The following CLPTM1L variants were observed in gnomAD, a reference collection of about 807,000 sequenced individuals.
CLPTM1L encodes lipid scramblase CLPTM1L.
A neutral mutation model predicts 70.9 loss-of-function variants in CLPTM1L; 38 were observed. That is an observed-to-expected ratio of 0.54 (90% confidence interval 0.41 to 0.70). CLPTM1L has a LOEUF of 0.70. Ranked by LOEUF, CLPTM1L falls within the 30% of genes least tolerant of loss-of-function variation. CLPTM1L has a pLI of 0.00. For synonymous variants in CLPTM1L, 339 were observed against 299.9 expected, an observed-to-expected ratio of 1.13 and a Z score of -1.35; for missense variants, 652 against 705.9, an observed-to-expected ratio of 0.92 and a Z score of 0.87.
At chr5:1,324,843 A>G (rs1752417801) in intron 10 of CLPTM1L, 30 bp from the exon 11 acceptor site, 1 of 1,602,960 alleles carries the variant, frequency 6.2e-7, no homozygotes, top group African/African-American at 1.3e-5. Context: ...AGTGATATTA[A>G]TAGACTCAGG....
chr5:1,320,889 A>C (rs1752112240), intron 15 of CLPTM1L, among the ~76,000 whole-genome samples, 158 bp from the exon 16 acceptor site: 2 of 152,224 alleles, frequency 1.3e-5, no homozygotes, highest in African/African-American at 4.8e-5. Flanking sequence ...CGGCAAGTGG[A>C]GATACGGAGC....
intron 13 of CLPTM1L, 94 bp from the exon 14 acceptor site, chr5:1,321,913 GC>G: frequency 8.7e-7 from 1 of 1,155,858 alleles, no homozygotes; most frequent in Non-Finnish European, 1.3e-6. Flanking sequence ...GGGCCGAGCT[GC>G]CACGTCTATG....
chr5:1,324,961 G>C (rs1053414933), intron 10 of CLPTM1L, 148 bp from the exon 11 acceptor site: 1 of 671,558 alleles, frequency 1.5e-6, no homozygotes, highest in African/African-American at 1.8e-5. Flanking sequence ...GGCGAGGAGA[G>C]GACCCAGAGG....
chr5:1,331,924 G>T (rs777922400), intron 7 of CLPTM1L, 41 bp from the exon 8 acceptor site: 19 of 1,526,076 alleles, frequency 1.2e-5, no homozygotes, highest in Non-Finnish European at 1.6e-5. Flanking sequence ...ATCTCCTGCT[G>T]TTTCCATCTC....
chr5:1,331,777 G>A, intron 8 of CLPTM1L, 22 bp downstream of exon 8: 1 of 1,608,770 alleles, frequency 6.2e-7, no homozygotes, highest in Non-Finnish European at 8.5e-7. Flanking sequence ...TATCTGAGCA[G>A]GGCCACGCTC....
Position 1,334,905 on chromosome 5 carries a change from T to C in CLPTM1L, c.796+152A>G, listed in dbSNP as rs1270432447. 1.5e-5 allele frequency: 9 copies of C among 601,358 alleles called. No individual in the cohort carries two copies. In the Middle Eastern group the frequency reaches 1.8e-3, roughly 119 times the overall value. The allele number at this position is 601,358 out of a possible 1,614,324, so 37.3% of individuals were successfully genotyped here. A position where few individuals can be genotyped will look rare whatever the true frequency, so the allele number is the denominator to read the frequency against. On this transcript the variant is annotated intron_variant, in intron 6 of 16. Coordinates refer to ENST00000320895, the MANE Select transcript of CLPTM1L (RefSeq NM_030782.5). ...ACCAGGTCATCTCCAAGGAGAGAAG[T>C]GAGGCAGGCGCTGCTAGCCTCTGAT...
chr5:1,336,774 G>A (rs1014864378), intron 5 of CLPTM1L, among the ~76,000 whole-genome samples: 3 of 152,202 alleles, frequency 2.0e-5, no homozygotes, highest in Non-Finnish European at 4.4e-5. Flanking sequence ...AGGTTGTATA[G>A]GAGCAATCAG....
chr5:1,343,563 G>C (rs1350611760), intron 2 of CLPTM1L, among the ~76,000 whole-genome samples: 2 of 152,220 alleles, frequency 1.3e-5, no homozygotes, highest in Non-Finnish European at 2.9e-5. Flanking sequence ...AGCTACAACC[G>C]AGCGGGCAGC....
rs1259896825 is a variant in CLPTM1L at position 1,334,326 on chromosome 5, T to G, written c.854A>C (p.Tyr285Ser). ...VKGIFVDTNL[Y>S]FLALTFFVAA... The stretch of plus-strand genomic sequence containing the variant: ...GACAAAGAAGGTCAGCGCCAGGAAG[T>G]ATAAGTTGGTATCTACAAAAATTCC... The change falls in exon 7 of 17, where the codon TAC becomes TCC. Residue 285 changes from tyrosine (Y) to serine (S), a missense_variant. By Grantham distance (144) the Tyr-to-Ser change is moderately radical (BLOSUM62 -2). Transcript: ENST00000320895. The G allele has an allele frequency of 2.5e-6, 4 of 1,613,724 alleles. No homozygotes were observed. The highest frequency in any genetic ancestry group is 3.4e-6 in the Non-Finnish European group (4 of 1,179,770).
intron 10 of CLPTM1L, 60 bp from the exon 11 acceptor site, chr5:1,324,873 AGCTGTGACTAAGGG>A: frequency 6.7e-7 from 1 of 1,503,566 alleles, no homozygotes; most frequent in Non-Finnish European, 9.3e-7. Context: ...AGCACAGCTG[AGCTGTGACTAAGGG>A]GCGTCACATA....
chr5:1,344,465 G>T lies in CLPTM1L; in HGVS notation c.163-14C>A. ...GTACACGCTCAGCTGGAAAGGAGGG[G>T]GCGTCGAGAGTCAGCTCGGCCAGGC... On this transcript the variant is annotated splice_polypyrimidine_tract_variant and intron_variant, in intron 1 of 16. Transcript: ENST00000320895. 9 of 1,607,678 alleles carry T rather than the reference G, an allele frequency of 5.6e-6. No homozygotes were observed. Among genetic ancestry groups the T allele is most frequent in the South Asian group, 1.1e-5 (1 of 90,938 alleles).
Position 1,331,789 on chromosome 5 carries a change from G to C in CLPTM1L, c.976+10C>G. On this transcript the variant is annotated intron_variant, in intron 8 of 16. Transcript: ENST00000320895. ...GAGTATCTGAGCAGGGCCACGCTCG[G>C]GGGGCCTACCTGCCTTGGTGGACAT... 8.1e-6 allele frequency: 13 copies of C among 1,612,702 alleles called. No individual in the cohort carries two copies. The highest frequency in any genetic ancestry group is 1.1e-5 in the Non-Finnish European group (13 of 1,179,710).
At chr5:1,325,686 G>T in intron 10 of CLPTM1L, 65 bp downstream of exon 10, 2 of 1,400,348 alleles carry the variant, frequency 1.4e-6, no homozygotes, top group African/African-American at 1.4e-5. Flanking sequence ...CTTACTCTTT[G>T]CACAGGGGGC....
rs71309294 is a variant in CLPTM1L, at chr5:1,342,039, T to TGCGCGCGC, written c.264-180_264-179insGCGCGCGC. 1.5e-4 allele frequency among the ~76,000 whole-genome samples: 23 copies of TGCGCGCGC among 149,086 alleles called. No homozygotes were observed. Among genetic ancestry groups the TGCGCGCGC allele is most frequent in the South Asian group, 8.4e-4 (4 of 4,752 alleles). On this transcript the variant is annotated intron_variant, in intron 2 of 16. Transcript: ENST00000320895. The surrounding 1 kb of genome is among the most constrained non-coding windows in gnomAD (Gnocchi z 4.3). ...GTGTGTGTGTGTGTGTGTGTGTGTG[T>TGCGCGCGC]GCACGCGCACGCGTGCGCGTCCTGA...
chr5:1,331,510 A>T (rs1300153602), intron 8 of CLPTM1L: 4 of 517,278 alleles, frequency 7.7e-6, no homozygotes, highest in Non-Finnish European at 1.4e-5. Flanking sequence ...CATGCATCTC[A>T]CTCTCCACAG....
Position 1,323,875 on chromosome 5 carries a change from G to T in CLPTM1L, c.1198-6C>A, listed in dbSNP as rs747095800. The T allele has an allele frequency of 6.2e-7, 1 of 1,611,928 alleles. No homozygotes were observed. ...TATGACAAGTACTTCATGGCCTGCA[G>T]GGAACAAAGATGGCTTCCAGTTAGA... On this transcript the variant is annotated splice_polypyrimidine_tract_variant and splice_region_variant and intron_variant, in intron 11 of 16. Transcript: ENST00000320895.
At chr5:1,343,562 C>T (rs1473359575) in intron 2 of CLPTM1L, among the ~76,000 whole-genome samples, 2 of 152,228 alleles carry the variant, frequency 1.3e-5, no homozygotes, top group African/African-American at 2.4e-5. Flanking sequence ...CAGCTACAAC[C>T]GAGCGGGCAG....
In CLPTM1L at chr5:1,334,386, G is replaced by C. The variant is rs1389863577; in HGVS notation, c.797-3C>G. On this transcript the variant is annotated splice_polypyrimidine_tract_variant and splice_region_variant and intron_variant, in intron 6 of 16. Coordinates refer to ENST00000320895, the MANE Select transcript of CLPTM1L (RefSeq NM_030782.5). ...ATCAGCATCTTTCTCTGAAAACCCT[G>C]TCAAGGAAAAAAAAACATACAATAT... 2 of 1,539,342 alleles carry C rather than the reference G, an allele frequency of 1.3e-6. No individual in the cohort carries two copies. The highest frequency in any genetic ancestry group is 1.8e-6 in the Non-Finnish European group (2 of 1,134,994).
Position 1,342,735 on chromosome 5 carries a change from C to T in CLPTM1L, c.264-875G>A, listed in dbSNP as rs751900618. ...CCGAGTAGCTGGGACTACAGGTGGG[C>T]GTGCCACCATGCCTGGCTAACTTTG... On this transcript the variant is annotated intron_variant, in intron 2 of 16. Transcript: ENST00000320895. This position sits in a 1 kb window ranked among gnomAD's most constrained non-coding sequence, Gnocchi z 4.3. Among the ~76,000 whole-genome samples, 7 of 152,296 alleles carry T rather than the reference C, an allele frequency of 4.6e-5. No homozygotes were observed. Among genetic ancestry groups the T allele is most frequent in the East Asian group, 3.9e-4 (2 of 5,186 alleles).
Sources: allele counts gnomAD v4.1 joint callset (sites outside exome capture counted in the v4.1 genomes callset), GRCh38; gene constraint gnomAD v4.1.1; non-coding constraint Gnocchi (gnomAD v3.1); transcripts MANE v1.5; gene names NCBI Gene and HGNC (gene_info 2026-07-23, HGNC 2026-07-21).